STRN: variants seen among roughly 807,000 people sequenced by gnomAD.
STRN encodes the protein striatin.
Under a neutral mutation model 96.3 loss-of-function variants are expected in STRN, and 53 were observed. The ratio of observed to expected loss-of-function variants is 0.55; its 90% CI spans 0.44 to 0.69. STRN has a LOEUF of 0.69. STRN is among the 30% of genes least tolerant of loss of function. The probability of loss-of-function intolerance (pLI) is 0.00; values close to 1 mark genes in which losing one functional copy is unlikely to be tolerated. For synonymous variants in STRN, 428 were observed against 355.9 expected (o/e 1.20, Z -2.28); for missense variants, 987 against 963.9 (o/e 1.02, Z -0.32).
intron 1 of STRN, among the ~76,000 whole-genome samples, chr2:36,928,680 C>G (rs1460563394): frequency 6.9e-6 from 1 of 145,794 alleles, no homozygotes; most frequent in African/African-American, 2.6e-5. Context: ...CGCAGTGGCT[C>G]ACTCCTGTAA....
intron 12 of STRN, among the ~76,000 whole-genome samples, chr2:36,862,767 C>T (rs1198258432): frequency 2.6e-5 from 4 of 151,254 alleles, no homozygotes; most frequent in African/African-American, 9.7e-5. Flanking sequence ...TGGAGTCTCG[C>T]TCTGTCACCC....
At chr2:36,949,426 TAAAC>T (rs149799013) in intron 1 of STRN, among the ~76,000 whole-genome samples, 13,351 of 152,214 alleles carry the variant, frequency 0.088, 669 homozygotes, top group South Asian at 0.14. Flanking sequence ...AAGAATGTGT[TAAAC>T]AAATCAATTT....
intron 3 of STRN, among the ~76,000 whole-genome samples, chr2:36,913,872 A>T (rs1446884352): frequency 6.6e-6 from 1 of 152,306 alleles, no homozygotes; most frequent in East Asian, 1.9e-4. Context: ...AACCATAGAG[A>T]AATTAAGTAG....
intron 15 of STRN, among the ~76,000 whole-genome samples, chr2:36,852,145 T>C (rs1015479308): frequency 6.6e-6 from 1 of 152,168 alleles, no homozygotes; most frequent in African/African-American, 2.4e-5. Flanking sequence ...CACACAACTG[T>C]CAAAATTGGT....
chr2:36,952,163 A>G lies in STRN; in HGVS notation c.234+14067T>C, dbSNP rs549121306. Among the ~76,000 whole-genome samples, 3 of 152,354 alleles carry G rather than the reference A, an allele frequency of 2.0e-5. No homozygotes were observed. In the South Asian group the frequency reaches 6.2e-4, roughly 32 times the overall value. ...GTGGGTAGGCCTGTCTTACATTGGG[A>G]AAGGACTATATACATCTATATACTA... On this transcript the variant is annotated intron_variant, in intron 1 of 17. Coordinates refer to ENST00000263918, the MANE Select transcript of STRN (RefSeq NM_003162.4).
intron 15 of STRN, 125 bp from the exon 16 acceptor site, chr2:36,851,232 C>A: frequency 1.4e-6 from 1 of 707,928 alleles, no homozygotes; most frequent in Non-Finnish European, 2.2e-6. Context: ...CGCCTGTAAT[C>A]CAAGCACGTT....
intron 7 of STRN, among the ~76,000 whole-genome samples, chr2:36,891,741 A>C (rs1174184619): frequency 6.6e-6 from 1 of 152,210 alleles, no homozygotes; most frequent in Non-Finnish European, 1.5e-5. Context: ...GATGGAAAAA[A>C]GTTTACAAAA....
intron 1 of STRN, among the ~76,000 whole-genome samples, chr2:36,963,159 C>T (rs146897733): frequency 1.5e-3 from 227 of 152,242 alleles, no homozygotes; most frequent in South Asian, 2.7e-3. Flanking sequence ...TTTGCTATAA[C>T]GTGGCCCTTT....
At chr2:36,907,434 GCT>G (rs1204013215) in intron 3 of STRN, among the ~76,000 whole-genome samples, 1 of 152,020 alleles carries the variant, frequency 6.6e-6, no homozygotes, top group African/African-American at 2.4e-5. Flanking sequence ...CTGTTTCCCA[GCT>G]ACTCAGGAGG....
intron 15 of STRN, 44 bp from the exon 16 acceptor site, chr2:36,851,151 A>AT: frequency 6.7e-7 from 1 of 1,503,448 alleles, no homozygotes; most frequent in East Asian, 2.3e-5. Context: ...AGTCAAAGAT[A>AT]TTTTTCACAC....
intron 1 of STRN, among the ~76,000 whole-genome samples, chr2:36,955,133 G>T (rs542627402): frequency 6.6e-6 from 1 of 152,300 alleles, no homozygotes; most frequent in African/African-American, 2.4e-5. Flanking sequence ...GGCTCCTTCA[G>T]GTCAGAAGCA....
intron 15 of STRN, among the ~76,000 whole-genome samples, chr2:36,852,974 T>C (rs889797067): frequency 3.3e-5 from 5 of 152,064 alleles, no homozygotes; most frequent in African/African-American, 1.2e-4. Flanking sequence ...CTGGCCAACA[T>C]GGTGAAACTC....
rs139701398 is a variant in STRN at position 36,939,650 on chromosome 2, T to C, written c.235-14442A>G. Reference sequence around the variant, plus strand: ...CTCCCACCTCAGCCTCCCAAAGTGCTAGGATTACAGGCATGAGCCACCATA... The same window carrying C: ...CTCCCACCTCAGCCTCCCAAAGTGCCAGGATTACAGGCATGAGCCACCATA... On this transcript the variant is annotated intron_variant, in intron 1 of 17. Coordinates refer to ENST00000263918, the MANE Select transcript of STRN (RefSeq NM_003162.4). 5.3e-3 allele frequency among the ~76,000 whole-genome samples: 807 copies of C among 152,224 alleles called. 7 individuals are homozygous for C. Among genetic ancestry groups the C allele is most frequent in the Non-Finnish European group, 7.5e-3 (513 of 68,012 alleles).
At position 36,855,111 on chromosome 2, in the gene STRN, A is replaced by C. The variant is rs1032268523; in HGVS notation, c.1978+101T>G. 7 of 1,231,424 alleles carry C rather than the reference A, an allele frequency of 5.7e-6. No homozygotes were observed. In the African/African-American group the frequency reaches 9.2e-5, roughly 16 times the overall value. The allele number at this position is 1,231,424 out of a possible 1,614,324, so 76.3% of individuals were successfully genotyped here. A position where few individuals can be genotyped will look rare whatever the true frequency, so the allele number is the denominator to read the frequency against. On this transcript the variant is annotated intron_variant, in intron 15 of 17. Transcript: ENST00000263918. ...GTGTTCTGAAAGTTAAGAGACAGAA[A>C]GCTTTATAATGACAAATATTTTTCA...
chr2:36,873,324 A>T (rs1668814775), intron 10 of STRN, among the ~76,000 whole-genome samples: 1 of 152,252 alleles, frequency 6.6e-6, no homozygotes, highest in Non-Finnish European at 1.5e-5. Context: ...TAAGGATGTA[A>T]GACAATATAA....
chr2:36,859,900 T>C (rs1237816346), intron 13 of STRN, among the ~76,000 whole-genome samples: 1 of 152,180 alleles, frequency 6.6e-6, no homozygotes, highest in African/African-American at 2.4e-5. Flanking sequence ...CATGTAAGTG[T>C]TGTAGCCAGA....
rs115782125 is a variant in STRN at position 36,866,851 on chromosome 2, C to G, written c.1547+963G>C. 3.7e-3 allele frequency among the ~76,000 whole-genome samples: 566 copies of G among 152,258 alleles called. 2 individuals are homozygous for G. Among genetic ancestry groups the G allele is most frequent in the African/African-American group, 0.013 (547 of 41,546 alleles). On this transcript the variant is annotated intron_variant, in intron 12 of 17. Coordinates refer to ENST00000263918, the MANE Select transcript of STRN (RefSeq NM_003162.4). ...TCTGAAATTAGAGTAGCAACTCCTG[C>G]TTTTTTCTGTTTTCCATTTGCTTGG...
At chr2:36,922,647 C>T (rs919310498) in intron 2 of STRN, among the ~76,000 whole-genome samples, 2 of 151,932 alleles carry the variant, frequency 1.3e-5, no homozygotes, top group African/African-American at 2.4e-5. Flanking sequence ...CCGTCATCAA[C>T]TGAGAGGAGG....
chr2:36,859,307 A>C (rs1407628522), intron 13 of STRN, among the ~76,000 whole-genome samples: 3 of 152,208 alleles, frequency 2.0e-5, no homozygotes, highest in African/African-American at 7.2e-5. Context: ...AAGAGTGACA[A>C]AGACCTAAGG....
Sources: gnomAD v4.1 joint callset for allele counts (sites outside exome capture counted in the v4.1 genomes callset) on GRCh38, gnomAD v4.1.1 for gene constraint, MANE v1.5 for transcripts, NCBI Gene and HGNC (gene_info 2026-07-23, HGNC 2026-07-21) for gene names.